DPYSL5: variants seen among roughly 807,000 people sequenced by gnomAD.
DPYSL5 encodes dihydropyrimidinase like 5.
Under a neutral mutation model 58.4 loss-of-function variants are expected in DPYSL5, and 9 were observed. The observed-to-expected ratio is 0.15, with a 90% CI of 0.09 to 0.27. The LOEUF is 0.27. Ranked by LOEUF, DPYSL5 falls within the 10% of genes least tolerant of loss-of-function variation. The probability of loss-of-function intolerance (pLI) is 1.00; values close to 1 mark genes in which losing one functional copy is unlikely to be tolerated. For missense variants in DPYSL5, 499 were observed against 770.6 expected (o/e 0.65, Z 4.17); for synonymous variants, 293 against 301.9 (o/e 0.97, Z 0.31).
At chr2:26,856,629 T>C (rs1288395271) in intron 1 of DPYSL5, among the ~76,000 whole-genome samples, 1 of 152,056 alleles carries the variant, frequency 6.6e-6, no homozygotes, top group Non-Finnish European at 1.5e-5. Context: ...GGTATATATA[T>C]ACCTAGGAGT....
chr2:26,861,274 C>T (rs925209996), intron 1 of DPYSL5, among the ~76,000 whole-genome samples: 2 of 152,128 alleles, frequency 1.3e-5, no homozygotes, highest in African/African-American at 4.8e-5. Context: ...CCAATATTTC[C>T]CCTTTGAGTC....
rs1209321136 is a variant in DPYSL5 at position 26,931,191 on chromosome 2, G to A, written c.670-449G>A. Among the ~76,000 whole-genome samples, 22 of 57,724 alleles carry A rather than the reference G, an allele frequency of 3.8e-4. No individual in the cohort carries two copies. In the South Asian group the frequency reaches 0.017, roughly 45 times the overall value. 37.9% of individuals were successfully genotyped at this position (57,724 alleles called of 152,430 possible). ...TATATGTGTGTGTGTGTGTGTGTGT[G>A]TGTGTGTGTGTGTATATATATATAT... On this transcript the variant is annotated intron_variant, in intron 5 of 12. Coordinates refer to ENST00000288699, the MANE Select transcript of DPYSL5 (RefSeq NM_020134.4).
chr2:26,927,564 A>G lies in DPYSL5; in HGVS notation c.600+132A>G, dbSNP rs1484934733. The G allele has an allele frequency of 1.8e-6, 2 of 1,128,466 alleles. No individual in the cohort carries two copies. The highest frequency in any genetic ancestry group is 1.7e-5 in the South Asian group (1 of 59,514). 69.9% of individuals were successfully genotyped at this position (1,128,466 alleles called of 1,614,324 possible). On this transcript the variant is annotated intron_variant, in intron 4 of 12. Transcript: ENST00000288699. This position sits in a 1 kb window ranked among gnomAD's most constrained non-coding sequence, Gnocchi z 4.3. Reference sequence around the variant, plus strand: ...TCAGTTGTTAAAGTGTGAGGTGTGGACACCCCAGCTGTCAGATCTTGGTCA... The same window carrying G: ...TCAGTTGTTAAAGTGTGAGGTGTGGGCACCCCAGCTGTCAGATCTTGGTCA...
Position 26,927,457 on chromosome 2 carries a change from G to A in DPYSL5, c.600+25G>A. On this transcript the variant is annotated intron_variant, in intron 4 of 12. Transcript: ENST00000288699. The surrounding 1 kb of genome is among the most constrained non-coding windows in gnomAD (Gnocchi z 4.3). ...GGCAAGTCTGCAGCCAAGAATATTG[G>A]ATGGAGGGACACCAGTGGAGACAGT... The A allele has an allele frequency of 6.2e-7, 1 of 1,610,712 alleles. No individual in the cohort carries two copies.
chr2:26,862,299 A>G (rs1369229759), intron 1 of DPYSL5, among the ~76,000 whole-genome samples: 1 of 152,258 alleles, frequency 6.6e-6, no homozygotes, highest in Non-Finnish European at 1.5e-5. Flanking sequence ...CAAGTTGGTT[A>G]TCAATGAATA....
intron 9 of DPYSL5, among the ~76,000 whole-genome samples, chr2:26,940,938 TTTA>T (rs1480200126): frequency 2.5e-5 from 1 of 40,346 alleles, no homozygotes; most frequent in Non-Finnish European, 6.1e-5. Context: ...ATTATTATTA[TTTA>T]TTTTTTTTTG....
intron 1 of DPYSL5, among the ~76,000 whole-genome samples, chr2:26,854,774 A>G (rs573788164): frequency 1.3e-5 from 2 of 151,962 alleles, no homozygotes; most frequent in African/African-American, 4.8e-5. Context: ...AGCTACTGAG[A>G]CCTCTGGCTC....
intron 1 of DPYSL5, among the ~76,000 whole-genome samples, chr2:26,860,753 C>T (rs1223023851): frequency 1.3e-5 from 2 of 152,124 alleles, no homozygotes; most frequent in Non-Finnish European, 2.9e-5. Context: ...TAATATATAT[C>T]ATTGAATGGG....
intron 2 of DPYSL5, among the ~76,000 whole-genome samples, chr2:26,901,700 A>T (rs2148139307): frequency 6.6e-6 from 1 of 152,298 alleles, no homozygotes; most frequent in East Asian, 1.9e-4. Context: ...AGAAGGAGAG[A>T]TCAAGTTGCA....
intron 1 of DPYSL5, among the ~76,000 whole-genome samples, chr2:26,862,639 A>C (rs965054602): frequency 1.3e-5 from 2 of 151,936 alleles, no homozygotes; most frequent in Admixed American, 6.6e-5. Flanking sequence ...CCCCATCCCT[A>C]CCTGCTCCCT....
At chr2:26,872,830 G>A (rs931648909) in intron 1 of DPYSL5, among the ~76,000 whole-genome samples, 11 of 152,158 alleles carry the variant, frequency 7.2e-5, no homozygotes, top group African/African-American at 1.9e-4. Flanking sequence ...AACAAAAAAC[G>A]GCCGTTGGAA....
In DPYSL5 at chr2:26,905,624, G is replaced by C. The variant is rs1664268806; in HGVS notation, c.261+6864G>C. Among the ~76,000 whole-genome samples, 1 of 152,128 alleles carries C rather than the reference G, an allele frequency of 6.6e-6. No homozygotes were observed. Among genetic ancestry groups the C allele is most frequent in the African/African-American group, 2.4e-5 (1 of 41,414 alleles). On this transcript the variant is annotated intron_variant, in intron 2 of 12. Coordinates refer to ENST00000288699, the MANE Select transcript of DPYSL5 (RefSeq NM_020134.4). This position sits in a 1 kb window ranked among gnomAD's most constrained non-coding sequence, Gnocchi z 4.0. ...AGCTGTGGGGGCTGGGATTGGCATA[G>C]CTGGGCTCCTCTCTCCACTTTCTTC... is the stretch of plus-strand genomic sequence containing the variant.
chr2:26,870,533 C>T (rs1452275839), intron 1 of DPYSL5, among the ~76,000 whole-genome samples: 1 of 151,910 alleles, frequency 6.6e-6, no homozygotes, highest in Non-Finnish European at 1.5e-5. Flanking sequence ...CATTATTAGG[C>T]TTTGATATTA....
chr2:26,901,933 C>A (rs1484353620), intron 2 of DPYSL5, among the ~76,000 whole-genome samples: 1 of 152,086 alleles, frequency 6.6e-6, no homozygotes, highest in Non-Finnish European at 1.5e-5. Flanking sequence ...TTAGCCCACG[C>A]CTCGCTGGCC....
At chr2:26,929,718 C>G (rs1029849036) in intron 5 of DPYSL5, among the ~76,000 whole-genome samples, 2 of 152,244 alleles carry the variant, frequency 1.3e-5, no homozygotes, top group African/African-American at 2.4e-5. Context: ...CTATGCTCCT[C>G]CCCCTCATTA....
At chr2:26,893,785 A>G (rs1194258152) in intron 1 of DPYSL5, among the ~76,000 whole-genome samples, 2 of 152,182 alleles carry the variant, frequency 1.3e-5, no homozygotes, top group African/African-American at 4.8e-5. Flanking sequence ...GTGAAGGCAC[A>G]AAGAGAGTCA....
At chr2:26,906,934 T>C (rs934049643) in intron 2 of DPYSL5, among the ~76,000 whole-genome samples, 1 of 151,866 alleles carries the variant, frequency 6.6e-6, no homozygotes, top group African/African-American at 2.4e-5. Flanking sequence ...CTAAGTTTTT[T>C]ATTTTTATTT....
At chr2:26,923,165 A>G (rs991312001) in intron 2 of DPYSL5, among the ~76,000 whole-genome samples, 6 of 139,580 alleles carry the variant, frequency 4.3e-5, no homozygotes, top group African/African-American at 1.2e-4. Context: ...TACAGAAAAC[A>G]GATAAACACC....
chr2:26,903,851 T>A (rs892905273), intron 2 of DPYSL5, among the ~76,000 whole-genome samples: 3 of 152,242 alleles, frequency 2.0e-5, no homozygotes, highest in African/African-American at 7.2e-5. Flanking sequence ...CTCCTGTCTG[T>A]ACCTATGGCA....
Sources: gnomAD v4.1 joint callset for allele counts (sites outside exome capture counted in the v4.1 genomes callset) on GRCh38, gnomAD v4.1.1 for gene constraint, Gnocchi (gnomAD v3.1) non-coding constraint, MANE v1.5 for transcripts, NCBI Gene and HGNC (gene_info 2026-07-23, HGNC 2026-07-21) for gene names.